The following AGAP1 variants were observed in gnomAD, a reference collection of about 807,000 sequenced individuals.
AGAP1 encodes the protein arf-GAP with GTPase, ANK repeat and PH domain-containing protein 1.
A neutral mutation model predicts 105.3 loss-of-function variants in AGAP1; 29 were observed. That is an observed-to-expected ratio of 0.28 (90% CI 0.21 to 0.38). The LOEUF (loss-of-function observed/expected upper bound fraction) is 0.38. Ranked by LOEUF, AGAP1 falls within the 10% of genes least tolerant of loss-of-function variation. AGAP1 has a pLI of 1.00. For missense variants in AGAP1, 998 were observed against 1,165.1 expected (o/e 0.86, Z 2.09); for synonymous variants, 509 against 485.9 (o/e 1.05, Z -0.63).
chr2:236,108,870 TC>T (rs1475228011), intron 16 of AGAP1, among the ~76,000 whole-genome samples: 1 of 152,024 alleles, frequency 6.6e-6, no homozygotes, highest in Non-Finnish European at 1.5e-5. Flanking sequence ...CCCGTTCATC[TC>T]CCAGACCCCG....
chr2:236,028,862 T>C (rs994980918), intron 13 of AGAP1, among the ~76,000 whole-genome samples: 2 of 152,234 alleles, frequency 1.3e-5, no homozygotes, highest in Non-Finnish European at 2.9e-5. Context: ...AGATTATCTC[T>C]GTCCAAGGTA....
intron 1 of AGAP1, among the ~76,000 whole-genome samples, chr2:235,538,649 C>T (rs996305526): frequency 6.6e-6 from 1 of 152,072 alleles, no homozygotes; most frequent in Non-Finnish European, 1.5e-5. Context: ...TTACCCTCTT[C>T]CTCTTTGGTT....
chr2:235,648,499 G>T (rs766451122), intron 1 of AGAP1, among the ~76,000 whole-genome samples: 1 of 152,208 alleles, frequency 6.6e-6, no homozygotes, highest in African/African-American at 2.4e-5. Context: ...CCTCTCTGTT[G>T]TTCTTCCCGT....
Position 236,005,300 on chromosome 2 carries a change from C to T in AGAP1, c.1646-31261C>T, listed in dbSNP as rs962488063. 1.4e-4 allele frequency among the ~76,000 whole-genome samples: 22 copies of T among 152,012 alleles called. No homozygotes were observed. The highest frequency in any genetic ancestry group is 4.6e-4 in the African/African-American group (19 of 41,382). Reference sequence around the variant, plus strand: ...AGCTGGGACTACAGGAGTGTGCCACCGGCTAATTTTTTTTATTTTTGGTAG... The same window carrying T: ...AGCTGGGACTACAGGAGTGTGCCACTGGCTAATTTTTTTTATTTTTGGTAG... On this transcript the variant is annotated intron_variant, in intron 13 of 17. Coordinates refer to ENST00000304032, the MANE Select transcript of AGAP1 (RefSeq NM_001037131.3). This position sits in a 1 kb window ranked among gnomAD's most constrained non-coding sequence, Gnocchi z 4.1.
chr2:235,859,611 C>T (rs1464412145), intron 9 of AGAP1, among the ~76,000 whole-genome samples: 2 of 150,102 alleles, frequency 1.3e-5, no homozygotes, highest in African/African-American at 4.9e-5. Context: ...TACCTTAACA[C>T]AATAGTAACT....
At chr2:235,591,294 G>T (rs1056318214) in intron 1 of AGAP1, among the ~76,000 whole-genome samples, 1 of 152,228 alleles carries the variant, frequency 6.6e-6, no homozygotes, top group Non-Finnish European at 1.5e-5. Flanking sequence ...GGGACTGCAG[G>T]CGTGAGCCAC....
rs1271811015 is a variant in AGAP1 at position 236,058,706 on chromosome 2, G to A, written c.2114+9425G>A. 6.6e-6 allele frequency among the ~76,000 whole-genome samples: 1 copy of A among 152,178 alleles called. No individual in the cohort carries two copies. The highest frequency in any genetic ancestry group is 1.5e-5 in the Non-Finnish European group (1 of 68,036). On this transcript the variant is annotated intron_variant, in intron 16 of 17. Coordinates refer to ENST00000304032, the MANE Select transcript of AGAP1 (RefSeq NM_001037131.3). The surrounding 1 kb of genome is among the most constrained non-coding windows in gnomAD (Gnocchi z 4.6). The stretch of plus-strand genomic sequence containing the variant: ...ACCAGATCTGTTCAGCATTATACTG[G>A]AGGTTCAAGCCAGGGAATTAGGCAA...
At chr2:235,745,203 ATGAT>A (rs1218089424) in intron 5 of AGAP1, among the ~76,000 whole-genome samples, 1 of 152,222 alleles carries the variant, frequency 6.6e-6, no homozygotes, top group Non-Finnish European at 1.5e-5. Context: ...GTTCTATAAA[ATGAT>A]TTATAAACAA....
Position 235,600,617 on chromosome 2 carries a change from T to C in AGAP1, c.163+105768T>C, listed in dbSNP as rs1945697721. On this transcript the variant is annotated intron_variant, in intron 1 of 17. Coordinates refer to ENST00000304032, the MANE Select transcript of AGAP1 (RefSeq NM_001037131.3). This position sits in a 1 kb window ranked among gnomAD's most constrained non-coding sequence, Gnocchi z 4.8. ...AGGAAGCCAGTCCCAGGCCGAAAGC[T>C]GAAGAACTTGGAGCCTGATGTTCGA... Among the ~76,000 whole-genome samples the C allele has an allele frequency of 6.6e-6, 1 of 152,186 alleles. No individual in the cohort carries two copies. The highest frequency in any genetic ancestry group is 2.4e-5 in the African/African-American group (1 of 41,440).
At chr2:235,914,564 T>A (rs186282576) in intron 11 of AGAP1, among the ~76,000 whole-genome samples, 1 of 152,360 alleles carries the variant, frequency 6.6e-6, no homozygotes, top group East Asian at 1.9e-4. Context: ...AAATAGTGAC[T>A]ACATTTCACA....
intron 3 of AGAP1, among the ~76,000 whole-genome samples, chr2:235,726,407 G>T (rs1951647607): frequency 6.6e-6 from 1 of 152,202 alleles, no homozygotes; most frequent in South Asian, 2.1e-4. Context: ...GGAAAATGGA[G>T]ACTAGAGCCT....
chr2:236,067,377 A>G (rs1035823656), intron 16 of AGAP1, among the ~76,000 whole-genome samples: 2 of 152,308 alleles, frequency 1.3e-5, no homozygotes, highest in Middle Eastern at 3.4e-3. Flanking sequence ...AAAAATCACT[A>G]CGCTTTTAAA....
rs2054347605 is a variant in AGAP1, at chr2:235,965,352, G to A, written c.1484-3110G>A. 6.6e-6 allele frequency among the ~76,000 whole-genome samples: 1 copy of A among 152,206 alleles called. No individual in the cohort carries two copies. The highest frequency in any genetic ancestry group is 2.1e-4 in the South Asian group (1 of 4,836). On this transcript the variant is annotated intron_variant, in intron 12 of 17. Coordinates refer to ENST00000304032, the MANE Select transcript of AGAP1 (RefSeq NM_001037131.3). The surrounding 1 kb of genome is among the most constrained non-coding windows in gnomAD (Gnocchi z 5.8). Reference sequence around the variant, plus strand: ...CAGGAAAACATGGCATCTTGGGCCAGCACAGTTAGCATGATAAGGGAAAGG... The same window carrying A: ...CAGGAAAACATGGCATCTTGGGCCAACACAGTTAGCATGATAAGGGAAAGG...
rs1952280879 is a variant in AGAP1 at position 235,736,794 on chromosome 2, C to G, written c.311-4169C>G. On this transcript the variant is annotated intron_variant, in intron 3 of 17. Transcript: ENST00000304032. This position sits in a 1 kb window ranked among gnomAD's most constrained non-coding sequence, Gnocchi z 5.5. Reference sequence around the variant, plus strand: ...CAGTCGAGGCTGCAGTGAGTCATGTCCGTGCCACCGCACTCCAGCCTAGGC... The same window carrying G: ...CAGTCGAGGCTGCAGTGAGTCATGTGCGTGCCACCGCACTCCAGCCTAGGC... 1.3e-5 allele frequency among the ~76,000 whole-genome samples: 2 copies of G among 152,088 alleles called. No individual in the cohort carries two copies. The highest frequency in any genetic ancestry group is 4.1e-4 in the South Asian group (2 of 4,824).
At position 235,906,733 on chromosome 2, in the gene AGAP1, G is replaced by A. The variant is rs577048996; in HGVS notation, c.1156-2005G>A. Among the ~76,000 whole-genome samples the A allele has an allele frequency of 5.7e-4, 87 of 152,288 alleles. No homozygotes were observed. The highest frequency in any genetic ancestry group is 3.4e-3 in the Middle Eastern group (1 of 294). On this transcript the variant is annotated intron_variant, in intron 10 of 17. Coordinates refer to ENST00000304032, the MANE Select transcript of AGAP1 (RefSeq NM_001037131.3). This position sits in a 1 kb window ranked among gnomAD's most constrained non-coding sequence, Gnocchi z 5.3. ...CAGCTCTTCTCATCCTCTGCCCTGA[G>A]GACCCACAGTTTCATTCCTTTCCCC...
intron 6 of AGAP1, among the ~76,000 whole-genome samples, chr2:235,785,614 T>G (rs867067307): frequency 6.6e-6 from 1 of 152,134 alleles, no homozygotes; most frequent in South Asian, 2.1e-4. Context: ...TTTTGTATAG[T>G]TTCTTTAGCT....
chr2:235,806,892 T>C (rs746269549), intron 8 of AGAP1, among the ~76,000 whole-genome samples: 5 of 152,246 alleles, frequency 3.3e-5, no homozygotes, highest in African/African-American at 4.8e-5. Context: ...AGCCCCTTTT[T>C]TCCTCGGCTG....
chr2:235,939,813 A>T (rs1302746014), intron 12 of AGAP1, among the ~76,000 whole-genome samples: 1 of 151,918 alleles, frequency 6.6e-6, no homozygotes, highest in Non-Finnish European at 1.5e-5. Context: ...CCCCTGTGTC[A>T]TCCTCCTTTA....
At chr2:235,605,116 G>A (rs1023506379) in intron 1 of AGAP1, among the ~76,000 whole-genome samples, 6 of 152,026 alleles carry the variant, frequency 3.9e-5, no homozygotes, top group East Asian at 3.9e-4. Context: ...GACCTCAAGC[G>A]ATCCGCCTGC....
Sources: gnomAD v4.1 joint callset for allele counts (sites outside exome capture counted in the v4.1 genomes callset) on GRCh38, gnomAD v4.1.1 for gene constraint, Gnocchi (gnomAD v3.1) non-coding constraint, MANE v1.5 for transcripts, NCBI Gene and HGNC (gene_info 2026-07-23, HGNC 2026-07-21) for gene names.